Variants in SMYD3 observed in about 807,000 individuals in gnomAD.
The protein encoded by SMYD3 is SET and MYND domain containing 3.
SMYD3 carries 36 observed loss-of-function variants against 57.7 expected under a neutral mutation model. That is an observed-to-expected ratio of 0.62 (90% CI 0.48 to 0.82). The LOEUF is 0.82. SMYD3 is among the 40% of genes least tolerant of loss of function. SMYD3 has a pLI of 0.00. For synonymous variants in SMYD3, 211 were observed against 195.0 expected, an observed-to-expected ratio of 1.08 and a Z score of -0.68; for missense variants, 515 against 538.8, an observed-to-expected ratio of 0.96 and a Z score of 0.44.
chr1:246,316,463 G>A (rs1444698740), intron 5 of SMYD3, among the ~76,000 whole-genome samples: 2 of 150,578 alleles, frequency 1.3e-5, no homozygotes, highest in African/African-American at 4.9e-5. Context: ...AGGTTCAAGG[G>A]AGTCTCATGC....
At chr1:246,060,165 G>A (rs2148350582) in intron 5 of SMYD3, among the ~76,000 whole-genome samples, 1 of 152,072 alleles carries the variant, frequency 6.6e-6, no homozygotes, top group Middle Eastern at 3.4e-3. Context: ...GCACACATCT[G>A]TAGTCCCAGC....
At chr1:246,411,839 G>T (rs111802057) in intron 1 of SMYD3, among the ~76,000 whole-genome samples, 1 of 106,720 alleles carries the variant, frequency 9.4e-6, no homozygotes, top group East Asian at 2.9e-4. Context: ...GTTGGGGGAG[G>T]GGGGAGGGAT....
At chr1:246,362,753 TTCACTCAGTGGTCAA>T (rs1330913653) in intron 1 of SMYD3, among the ~76,000 whole-genome samples, 18 of 152,372 alleles carry the variant, frequency 1.2e-4, no homozygotes, top group Non-Finnish European at 2.1e-4. Flanking sequence ...CGGAGTCTCG[TTCACTCAGTGGTCAA>T]TGGTGCCCAG....
chr1:246,037,908 A>C (rs2059804200), intron 5 of SMYD3, among the ~76,000 whole-genome samples: 1 of 152,242 alleles, frequency 6.6e-6, no homozygotes, highest in Admixed American at 6.5e-5. Context: ...TTTTCTGTGA[A>C]GTGCCAGATA....
At chr1:246,299,354 G>A (rs1022771576) in intron 5 of SMYD3, among the ~76,000 whole-genome samples, 2 of 152,104 alleles carry the variant, frequency 1.3e-5, no homozygotes, top group African/African-American at 2.4e-5. Context: ...ACATGTTGGT[G>A]AGGTTGCAGA....
At chr1:245,781,977 A>AT (rs915844110) in intron 10 of SMYD3, among the ~76,000 whole-genome samples, 5 of 151,864 alleles carry the variant, frequency 3.3e-5, no homozygotes, top group African/African-American at 1.2e-4. Flanking sequence ...TCAAAAAAAA[A>AT]ATATTAACTA....
intron 4 of SMYD3, among the ~76,000 whole-genome samples, chr1:246,327,704 T>C (rs770370890): frequency 7.9e-5 from 12 of 152,210 alleles, no homozygotes; most frequent in Non-Finnish European, 1.3e-4. Flanking sequence ...AGCAGACTTT[T>C]CCATGAAATA....
At chr1:245,913,203 T>C (rs1156331130) in intron 8 of SMYD3, among the ~76,000 whole-genome samples, 1 of 152,052 alleles carries the variant, frequency 6.6e-6, no homozygotes, top group Non-Finnish European at 1.5e-5. Flanking sequence ...TGAGTTCATG[T>C]CCTTTGTAGG....
intron 5 of SMYD3, among the ~76,000 whole-genome samples, chr1:246,007,686 A>T (rs2148179994): frequency 6.6e-6 from 1 of 151,946 alleles, no homozygotes; most frequent in East Asian, 1.9e-4. Flanking sequence ...GCATGGTGCC[A>T]TATGCCTGTA....
chr1:246,356,753 A>T (rs945992299), intron 1 of SMYD3, among the ~76,000 whole-genome samples: 17 of 152,310 alleles, frequency 1.1e-4, no homozygotes, highest in African/African-American at 3.6e-4. Context: ...AAGAAAAAAG[A>T]ATTTTTAAAA....
At chr1:246,362,179 A>T (rs1231912468) in intron 1 of SMYD3, among the ~76,000 whole-genome samples, 1 of 152,172 alleles carries the variant, frequency 6.6e-6, no homozygotes, top group African/African-American at 2.4e-5. Context: ...TCAAATTCAA[A>T]TCCAGTCCAT....
intron 5 of SMYD3, among the ~76,000 whole-genome samples, chr1:246,045,234 T>C (rs7539876): frequency 0.54 from 82,518 of 152,034 alleles, 25,964 homozygotes; most frequent in East Asian, 0.96. Context: ...TCAAACTATA[T>C]TATAAGGCTA....
At chr1:246,058,631 C>T (rs2060196782) in intron 5 of SMYD3, among the ~76,000 whole-genome samples, 1 of 152,136 alleles carries the variant, frequency 6.6e-6, no homozygotes, top group African/African-American at 2.4e-5. Context: ...TACAAGGAAG[C>T]TTGAGGAAAG....
chr1:246,061,272 A>G (rs2060247890), intron 5 of SMYD3, among the ~76,000 whole-genome samples: 1 of 152,150 alleles, frequency 6.6e-6, no homozygotes, highest in Admixed American at 6.5e-5. Context: ...TTCTTGTAAA[A>G]ATAACTGCAA....
rs563700226 is a variant in SMYD3, at chr1:245,794,011, A to T, written c.1077-29862T>A. On this transcript the variant is annotated intron_variant, in intron 10 of 11. Transcript: ENST00000490107. ...TGGGCTTAAAAAAAACCAAACAAAA[A>T]ACCTGTCTCTTAATATTTAAATTTC... 3.7e-3 allele frequency among the ~76,000 whole-genome samples: 563 copies of T among 152,322 alleles called. 1 individual carries two copies. The highest frequency in any genetic ancestry group is 6.2e-3 in the Non-Finnish European group (422 of 68,030).
intron 5 of SMYD3, among the ~76,000 whole-genome samples, chr1:246,264,467 T>C (rs1002679853): frequency 1.3e-5 from 2 of 152,214 alleles, no homozygotes; most frequent in African/African-American, 4.8e-5. Context: ...CTGGGCAAGA[T>C]GGTGAGACCC....
At chr1:246,340,062 GT>G (rs1255836320) in intron 2 of SMYD3, among the ~76,000 whole-genome samples, 1 of 152,020 alleles carries the variant, frequency 6.6e-6, no homozygotes, top group Non-Finnish European at 1.5e-5. Context: ...AAACCACTGA[GT>G]TAAACTAAAT....
intron 5 of SMYD3, chr1:246,326,482 T>A (rs1364786063): frequency 9.3e-5 from 53 of 569,976 alleles, no homozygotes; most frequent in African/African-American, 4.0e-4. Flanking sequence ...AAAAAAAAAA[T>A]ACTTCAGGAG....
At chr1:246,296,557 A>G (rs1479130429) in intron 5 of SMYD3, among the ~76,000 whole-genome samples, 1 of 152,076 alleles carries the variant, frequency 6.6e-6, no homozygotes, top group Non-Finnish European at 1.5e-5. Flanking sequence ...ATAAATGTAT[A>G]TTTATATACA....
Sources: gnomAD v4.1 joint callset for allele counts (sites outside exome capture counted in the v4.1 genomes callset) on GRCh38, gnomAD v4.1.1 for gene constraint, MANE v1.5 for transcripts, NCBI Gene and HGNC (gene_info 2026-07-23, HGNC 2026-07-21) for gene names.